MOSMO: variants seen among roughly 807,000 people sequenced by gnomAD.
MOSMO encodes the protein modulator of smoothened protein.
A neutral mutation model predicts 18.4 loss-of-function variants in MOSMO; 5 were observed. That is an observed-to-expected ratio of 0.27 (90% confidence interval 0.14 to 0.57). The LOEUF is 0.57. MOSMO is among the 20% of genes least tolerant of loss of function. The probability of loss-of-function intolerance (pLI) is 0.92; values close to 1 mark genes in which losing one functional copy is unlikely to be tolerated. For missense variants in MOSMO, 138 were observed against 211.8 expected (o/e 0.65, Z 2.16); for synonymous variants, 82 against 82.3 (o/e 1.00, Z 0.02).
intron 1 of MOSMO, among the ~76,000 whole-genome samples, chr16:22,074,538 G>A (rs1208047422): frequency 2.6e-5 from 4 of 152,180 alleles, no homozygotes; most frequent in African/African-American, 9.7e-5. Context: ...GGGGAAACAA[G>A]TAGTTTTTAT....
chr16:22,048,712 A>T (rs1900363961), intron 1 of MOSMO, among the ~76,000 whole-genome samples: 2 of 151,970 alleles, frequency 1.3e-5, no homozygotes, highest in Middle Eastern at 3.4e-3. Flanking sequence ...TTTCATTATT[A>T]TTTATGGTTT....
At chr16:22,008,535 C>T in intron 1 of MOSMO, 128 bp downstream of exon 1, 2 of 561,466 alleles carry the variant, frequency 3.6e-6, no homozygotes, top group Non-Finnish European at 3.0e-6. Flanking sequence ...AGACCGGGGG[C>T]GGAGGGGAGA....
intron 1 of MOSMO, among the ~76,000 whole-genome samples, chr16:22,064,791 G>A (rs1031876765): frequency 1.5e-4 from 23 of 152,026 alleles, no homozygotes; most frequent in African/African-American, 5.3e-4. Context: ...AGATAAGACA[G>A]AGTAAAAATA....
chr16:22,025,630 AACATAAAACTCTG>A (rs1245981400), intron 1 of MOSMO, among the ~76,000 whole-genome samples: 1 of 152,228 alleles, frequency 6.6e-6, no homozygotes, highest in African/African-American at 2.4e-5. Flanking sequence ...GTAACTTTTC[AACATAAAACTCTG>A]ACTGTGCTCT....
downstream of MOSMO, among the ~76,000 whole-genome samples, chr16:22,085,429 A>T (rs1359335264): frequency 6.6e-6 from 1 of 152,136 alleles, no homozygotes; most frequent in Non-Finnish European, 1.5e-5. Context: ...GATTTGTAAC[A>T]CAGATTAGAG....
At chr16:22,024,221 T>C (rs556997838) in intron 1 of MOSMO, among the ~76,000 whole-genome samples, 5 of 151,986 alleles carry the variant, frequency 3.3e-5, no homozygotes, top group Admixed American at 6.6e-5. Context: ...GGAGAATAAA[T>C]TGACTCACTT....
In MOSMO at chr16:22,049,070, G is replaced by A. The variant is rs1013408995; in HGVS notation, c.107-26417G>A. ...GTTTTAATATGTGTTGCCAAATTGC[G>A]CTGAGGAAATACATATAGAAATTTA... On this transcript the variant is annotated intron_variant, in intron 1 of 2. Transcript: ENST00000542527. 5.3e-5 allele frequency among the ~76,000 whole-genome samples: 8 copies of A among 152,172 alleles called. No homozygotes were observed. In the East Asian group the frequency reaches 5.8e-4, roughly 11 times the overall value.
chr16:22,048,468 A>G (rs1900358889), intron 1 of MOSMO, among the ~76,000 whole-genome samples: 2 of 152,210 alleles, frequency 1.3e-5, no homozygotes, highest in East Asian at 1.9e-4. Flanking sequence ...CCAGTGCTGG[A>G]TAGTATAAAT....
At chr16:22,067,546 A>G (rs1052193662) in intron 1 of MOSMO, among the ~76,000 whole-genome samples, 5 of 152,180 alleles carry the variant, frequency 3.3e-5, no homozygotes, top group Non-Finnish European at 7.4e-5. Context: ...GAACAGCGGG[A>G]CATGTTCAAA....
Position 22,075,558 on chromosome 16 carries a change from C to T in MOSMO, c.178C>T (p.Arg60Trp), listed in dbSNP as rs768585177. The T allele has an allele frequency of 7.8e-6, 12 of 1,537,196 alleles. No homozygotes were observed. Among genetic ancestry groups the T allele is most frequent in the African/African-American group, 4.1e-5 (3 of 73,054 alleles). ...HGRDRTCIPP[R>W]LPPEWVTTLF... ...ACGAGACCGGACGTGCATCCCTCCCCGGCTTCCCCCGGAGTGGGTCACCAC... is the reference window on the plus strand; with the variant it reads ...ACGAGACCGGACGTGCATCCCTCCCTGGCTTCCCCCGGAGTGGGTCACCAC... The change falls in exon 2 of 3, where the codon CGG becomes TGG. Residue 60 changes from arginine (R) to tryptophan (W), a missense_variant. Arg to Trp is a moderately radical substitution (Grantham distance 101). Coordinates refer to ENST00000542527, the MANE Select transcript of MOSMO (RefSeq NM_001164579.2).
chr16:22,090,795 G>A (rs2141802444), downstream of MOSMO, among the ~76,000 whole-genome samples: 2 of 152,284 alleles, frequency 1.3e-5, 1 homozygote, highest in African/African-American at 4.8e-5. Context: ...AGCCAAGAAA[G>A]ATGGTACCCA....
intron 1 of MOSMO, among the ~76,000 whole-genome samples, chr16:22,056,690 C>G (rs1900545610): frequency 6.6e-6 from 1 of 151,958 alleles, no homozygotes; most frequent in East Asian, 1.9e-4. Flanking sequence ...GGCCTTCTCC[C>G]TCCTTTCAAA....
chr16:22,028,788 T>A (rs1392581924), intron 1 of MOSMO, among the ~76,000 whole-genome samples: 1 of 152,232 alleles, frequency 6.6e-6, no homozygotes, highest in Non-Finnish European at 1.5e-5. Flanking sequence ...GTTTATACTC[T>A]ACTTAACCTT....
chr16:22,072,532 C>T (rs1431089317), intron 1 of MOSMO, among the ~76,000 whole-genome samples: 1 of 152,188 alleles, frequency 6.6e-6, no homozygotes, highest in African/African-American at 2.4e-5. Context: ...TGTGTATTGG[C>T]TGGGTGCGGT....
intron 1 of MOSMO, among the ~76,000 whole-genome samples, chr16:22,075,028 T>G (rs1159046558): frequency 6.6e-6 from 1 of 152,228 alleles, no homozygotes; most frequent in East Asian, 1.9e-4. Context: ...ATATTTCAGG[T>G]TTGTCTTCAA....
rs1255317983 is a variant in MOSMO, at chr16:22,083,689, T to C, written c.*2809T>C. The C allele has an allele frequency of 1.1e-5, 5 of 453,942 alleles. No individual in the cohort carries two copies. Among genetic ancestry groups the C allele is most frequent in the Non-Finnish European group, 2.2e-5 (5 of 226,286 alleles). 28.1% of individuals were successfully genotyped at this position (453,942 alleles called of 1,614,324 possible). On this transcript the variant is annotated 3_prime_UTR_variant, in exon 3 of 3. Transcript: ENST00000542527. ...CATTGTTTTTAGAGTGTGTGCATTC[T>C]TCTCATACCTAAGAATATCACTGTA...
chr16:22,063,051 A>C (rs1900680836), intron 1 of MOSMO, among the ~76,000 whole-genome samples: 1 of 151,954 alleles, frequency 6.6e-6, no homozygotes, highest in African/African-American at 2.4e-5. Flanking sequence ...GTGGGGTTTC[A>C]CCATGTTGGC....
At chr16:22,068,108 G>A (rs745583985) in intron 1 of MOSMO, among the ~76,000 whole-genome samples, 1 of 152,154 alleles carries the variant, frequency 6.6e-6, no homozygotes, top group Non-Finnish European at 1.5e-5. Context: ...AAGAGCACTG[G>A]TAAAGGTAAC....
intron 1 of MOSMO, among the ~76,000 whole-genome samples, chr16:22,022,476 G>C (rs1355204508): frequency 6.6e-6 from 1 of 152,144 alleles, no homozygotes; most frequent in Non-Finnish European, 1.5e-5. Flanking sequence ...TGTGTATTTG[G>C]GGATTTTTCA....
Sources: allele counts gnomAD v4.1 joint callset (sites outside exome capture counted in the v4.1 genomes callset), GRCh38; gene constraint gnomAD v4.1.1; transcripts MANE v1.5; gene names NCBI Gene and HGNC (gene_info 2026-07-23, HGNC 2026-07-21).